RIMS2: variants seen among roughly 807,000 people sequenced by gnomAD.
The protein encoded by RIMS2 is regulating synaptic membrane exocytosis 2.
A neutral mutation model predicts 174.4 loss-of-function variants in RIMS2; 59 were observed. That is an observed-to-expected ratio of 0.34 (90% CI 0.27 to 0.42). RIMS2 has a LOEUF of 0.42. Among genes scored for constraint, RIMS2 ranks in the 10% least tolerant of loss-of-function variants. The pLI is 1.00. For synonymous variants in RIMS2, 606 were observed against 572.5 expected (o/e 1.06, Z -0.84); for missense variants, 1,620 against 1,666.3 (o/e 0.97, Z 0.48).
chr8:103,782,806 CTT>C (rs1212058664), intron 3 of RIMS2, among the ~76,000 whole-genome samples: 1 of 151,926 alleles, frequency 6.6e-6, no homozygotes, highest in Non-Finnish European at 1.5e-5. Flanking sequence ...CTGTTTATAT[CTT>C]CTTCCATTTT....
chr8:103,914,588 A>G (rs972798667), intron 6 of RIMS2, among the ~76,000 whole-genome samples: 1 of 152,218 alleles, frequency 6.6e-6, no homozygotes, highest in African/African-American at 2.4e-5. Flanking sequence ...TTTCAGAATT[A>G]AACATAGGAC....
In RIMS2 at chr8:104,120,411, T is replaced by C. The variant is rs367796386; in HGVS notation, c.3334+105796T>C. Among the ~76,000 whole-genome samples the C allele has an allele frequency of 5.9e-5, 9 of 152,200 alleles. No individual in the cohort carries two copies. The East Asian group carries it at 7.7e-4, about 13-fold the overall frequency. ...CTTGAAAAAGTGTCTAGTAACCTTT[T>C]CCTCTGTTTTTCTTTCACCGTTGAA... is the stretch of plus-strand genomic sequence containing the variant. On this transcript the variant is annotated intron_variant, in intron 19 of 23. Coordinates refer to ENST00000504942, the Ensembl canonical transcript of RIMS2.
rs2099238735 is a variant in RIMS2 at position 103,890,682 on chromosome 8, T to G, written c.1624+4459T>G. On this transcript the variant is annotated intron_variant, in intron 4 of 23. Coordinates refer to ENST00000504942, the Ensembl canonical transcript of RIMS2. ...GCAAATTGATTTTTTTTCTTTTTCGTTTTTTGTGTGTTTGTTTTTTGCCTT... is the reference window on the plus strand; with the variant it reads ...GCAAATTGATTTTTTTTCTTTTTCGGTTTTTGTGTGTTTGTTTTTTGCCTT... 3.3e-5 allele frequency among the ~76,000 whole-genome samples: 5 copies of G among 152,010 alleles called. 1 individual carries two copies. In the South Asian group the frequency reaches 1.0e-3, roughly 32 times the overall value.
chr8:103,834,337 T>C (rs1011560652), intron 3 of RIMS2, among the ~76,000 whole-genome samples: 103 of 148,816 alleles, frequency 6.9e-4, no homozygotes, highest in South Asian at 2.3e-3. Context: ...TTTTTCTTTT[T>C]TTTTTTTTTT....
At chr8:103,852,521 ACCT>A (rs2099004742) in intron 3 of RIMS2, among the ~76,000 whole-genome samples, 2 of 151,386 alleles carry the variant, frequency 1.3e-5, no homozygotes, top group African/African-American at 4.9e-5. Context: ...CAAGCATGGT[ACCT>A]AATAGGTAGT....
At chr8:103,675,669 A>G (rs2096799861) in intron 1 of RIMS2, among the ~76,000 whole-genome samples, 1 of 152,260 alleles carries the variant, frequency 6.6e-6, no homozygotes, top group South Asian at 2.1e-4. Flanking sequence ...GGCAGAAATT[A>G]CCGTATTATA....
intron 1 of RIMS2, among the ~76,000 whole-genome samples, chr8:103,503,376 T>C (rs943387735): frequency 6.6e-6 from 1 of 151,912 alleles, no homozygotes; most frequent in African/African-American, 2.4e-5. Context: ...AGACAAATCA[T>C]TTTGAAGATT....
chr8:103,726,994 C>T (rs1273269539), intron 2 of RIMS2, among the ~76,000 whole-genome samples: 1 of 151,526 alleles, frequency 6.6e-6, no homozygotes, highest in African/African-American at 2.4e-5. Flanking sequence ...ACCTCAGCCT[C>T]CCAAAGTGCT....
At chr8:103,872,823 CAGAAA>C (rs1464127972) in intron 3 of RIMS2, among the ~76,000 whole-genome samples, 1 of 152,062 alleles carries the variant, frequency 6.6e-6, no homozygotes, top group Non-Finnish European at 1.5e-5. Flanking sequence ...TGAGAAAACC[CAGAAA>C]AGAAATTTGT....
chr8:103,670,209 G>A (rs1259358255), intron 1 of RIMS2, among the ~76,000 whole-genome samples: 1 of 152,208 alleles, frequency 6.6e-6, no homozygotes, highest in African/African-American at 2.4e-5. Context: ...TTTTAAACAT[G>A]GCTAGAGCAG....
chr8:104,021,622 A>G (rs1160371634), intron 19 of RIMS2, among the ~76,000 whole-genome samples: 1 of 152,220 alleles, frequency 6.6e-6, no homozygotes, highest in Non-Finnish European at 1.5e-5. Context: ...TAACTGAGGA[A>G]GTATTATCAT....
intron 4 of RIMS2, among the ~76,000 whole-genome samples, chr8:103,889,124 G>T (rs1341033178): frequency 6.6e-6 from 1 of 151,606 alleles, no homozygotes; most frequent in Non-Finnish European, 1.5e-5. Context: ...TTGGCAATTT[G>T]ATTTGGGAAT....
rs570069496 is a variant in RIMS2 at position 103,552,765 on chromosome 8, C to G, written c.176+51703C>G. On this transcript the variant is annotated intron_variant, in intron 1 of 23. Coordinates refer to ENST00000504942, the Ensembl canonical transcript of RIMS2. ...AGTTTACAAGAAAGAATCAAACAACCCCATCAAAAAGTGGGCAAAGGATAT... is the reference window on the plus strand; with the variant it reads ...AGTTTACAAGAAAGAATCAAACAACGCCATCAAAAAGTGGGCAAAGGATAT... 3.9e-5 allele frequency among the ~76,000 whole-genome samples: 6 copies of G among 152,178 alleles called. No individual in the cohort carries two copies. In the East Asian group the frequency reaches 1.2e-3, roughly 29 times the overall value.
At chr8:104,020,161 T>C (rs1455896230) in intron 19 of RIMS2, among the ~76,000 whole-genome samples, 1 of 151,974 alleles carries the variant, frequency 6.6e-6, no homozygotes, top group African/African-American at 2.4e-5. Context: ...TAATACAGAG[T>C]GTCATGTTTA....
intron 19 of RIMS2, among the ~76,000 whole-genome samples, chr8:104,061,858 A>G (rs1356767457): frequency 6.6e-6 from 1 of 151,994 alleles, no homozygotes; most frequent in Non-Finnish European, 1.5e-5. Context: ...GTTTACAATT[A>G]TCAAACAATG....
At chr8:103,690,421 T>A (rs995333089) in intron 1 of RIMS2, among the ~76,000 whole-genome samples, 1 of 152,184 alleles carries the variant, frequency 6.6e-6, no homozygotes, top group African/African-American at 2.4e-5. Flanking sequence ...TCTCCTGTGG[T>A]GTGCTTTAAT....
intron 1 of RIMS2, among the ~76,000 whole-genome samples, chr8:103,528,165 G>A (rs553090491): frequency 1.8e-4 from 28 of 151,896 alleles, no homozygotes; most frequent in Non-Finnish European, 3.4e-4. Context: ...TTTTTCATAT[G>A]TCTGTTGGCT....
At position 104,237,298 on chromosome 8, in the gene RIMS2, T is replaced by G. The variant is rs1379454261; in HGVS notation, c.3335-7618T>G. On this transcript the variant is annotated intron_variant, in intron 19 of 23. Coordinates refer to ENST00000504942, the Ensembl canonical transcript of RIMS2. ...ATTGTATGTATCTGTCAGAATAGGT[T>G]AGGTTGTAGTAACAAACAACTAAAA... Among the ~76,000 whole-genome samples, 3 of 152,196 alleles carry G rather than the reference T, an allele frequency of 2.0e-5. No individual in the cohort carries two copies. In the East Asian group the frequency reaches 5.8e-4, roughly 29 times the overall value.
chr8:104,198,998 A>G (rs1372638782), intron 19 of RIMS2, among the ~76,000 whole-genome samples: 1 of 152,256 alleles, frequency 6.6e-6, no homozygotes, highest in Non-Finnish European at 1.5e-5. Context: ...ATAGTAAACT[A>G]TGAAGAAGCA....
Sources: allele counts gnomAD v4.1 joint callset (sites outside exome capture counted in the v4.1 genomes callset), GRCh38; gene constraint gnomAD v4.1.1; transcripts MANE v1.5; gene names NCBI Gene and HGNC (gene_info 2026-07-23, HGNC 2026-07-21).